Variants in CATSPER1 observed in about 807,000 individuals in gnomAD.
The protein encoded by CATSPER1 is cation channel sperm-associated protein 1.
CATSPER1 carries 57 observed loss-of-function variants against 72.7 expected under a neutral mutation model. The observed-to-expected ratio is 0.78, with a 90% CI of 0.63 to 0.98. CATSPER1 has a LOEUF of 0.98. CATSPER1 is among the 50% of genes least tolerant of loss of function. CATSPER1 has a pLI of 0.00. For synonymous variants in CATSPER1, 363 were observed against 403.0 expected (o/e 0.90, Z 1.19); for missense variants, 910 against 1,033.9 (o/e 0.88, Z 1.64).
intron 2 of CATSPER1, among the ~76,000 whole-genome samples, chr11:66,022,477 C>T (rs190495008): frequency 5.3e-5 from 8 of 152,284 alleles, no homozygotes; most frequent in African/African-American, 1.7e-4. Context: ...TGCTCCACGG[C>T]GTTGGAGGGC....
chr11:66,026,310 G>A lies in CATSPER1; in HGVS notation c.70C>T (p.Arg24Cys), dbSNP rs773490119. Residue 24 changes from arginine (R) to cysteine (C), a missense_variant, in exon 1 of 12, where the codon CGC becomes TGC. By Grantham distance (180) the Arg-to-Cys change is radical. Coordinates refer to ENST00000312106, the MANE Select transcript of CATSPER1 (RefSeq NM_053054.4). ...TGGTGTGGGGGTGATGAGTGAGAGC[G>A]AAAGAACCTATCTGCGTTATTGGTG... is the stretch of plus-strand genomic sequence containing the variant. ...ADTNNADRFFRSHSSPPHHRP... is the reference protein window; with the variant it reads ...ADTNNADRFFCSHSSPPHHRP... The A allele has an allele frequency of 4.5e-5, 73 of 1,614,066 alleles. No homozygotes were observed. The highest frequency in any genetic ancestry group is 1.6e-4 in the Middle Eastern group (1 of 6,084).
At chr11:66,025,046 G>C (rs1204334840) in intron 1 of CATSPER1, 118 bp downstream of exon 1, 4 of 1,207,656 alleles carry the variant, frequency 3.3e-6, no homozygotes, top group African/African-American at 3.0e-5. Flanking sequence ...GCCAGTGGGG[G>C]ACCTGTGCAG....
rs2134984949 is a variant in CATSPER1 at position 66,017,194 on chromosome 11, T to TGGGGGGGGGGGGGGGGGGGGGGGCCC, written c.2202-21_2202-20insGGGCCCCCCCCCCCCCCCCCCCCCCC. ...TGCTGCCTGCGGGTGGGCGGGGGGG[T>TGGGGGGGGGGGGGGGGGGGGGGGCCC]CGCAGAGACAGGGGCTGGGCTGACC... is the stretch of plus-strand genomic sequence containing the variant. On this transcript the variant is annotated intron_variant, in intron 10 of 11. Coordinates refer to ENST00000312106, the MANE Select transcript of CATSPER1 (RefSeq NM_053054.4). The TGGGGGGGGGGGGGGGGGGGGGGGCCC allele has an allele frequency of 5.5e-6, 3 of 550,208 alleles. No homozygotes were observed. Among genetic ancestry groups the TGGGGGGGGGGGGGGGGGGGGGGGCCC allele is most frequent in the Non-Finnish European group, 1.0e-5 (3 of 295,800 alleles). 34.1% of individuals were successfully genotyped at this position (550,208 alleles called of 1,614,324 possible). A position where few individuals can be genotyped will look rare whatever the true frequency, so the allele number is the denominator to read the frequency against.
At chr11:66,025,121 C>T in intron 1 of CATSPER1, 43 bp downstream of exon 1, 1 of 1,611,954 alleles carries the variant, frequency 6.2e-7, no homozygotes, top group Non-Finnish European at 8.5e-7. Context: ...GGATCCTGCG[C>T]CAGGCAGCAG....
At chr11:66,022,525 G>T (rs562311276) in intron 2 of CATSPER1, among the ~76,000 whole-genome samples, 1 of 152,338 alleles carries the variant, frequency 6.6e-6, no homozygotes, top group African/African-American at 2.4e-5. Flanking sequence ...CCCCTCCAGG[G>T]CCTTCTCGGG....
intron 10 of CATSPER1, 89 bp from the exon 11 acceptor site, chr11:66,017,263 T>C: frequency 2.2e-6 from 2 of 890,562 alleles, no homozygotes; most frequent in Non-Finnish European, 1.8e-6. Context: ...CAGAGGCTCT[T>C]CTTGCCTGCC....
At position 66,021,792 on chromosome 11, in the gene CATSPER1, T is replaced by TA; in HGVS notation, c.1516dup (p.Tyr506LeufsTer4). On this transcript the variant is annotated frameshift_variant, in exon 3 of 12. Transcript: ENST00000312106. LOFTEE classifies it high-confidence loss of function. Reference sequence around the variant, plus strand: ...CAAATTGTTCCAGAAGTCAAAGAAGTACGAGAGGCCCAGGGCGATGATCTT... The same window carrying TA: ...CAAATTGTTCCAGAAGTCAAAGAAGTAACGAGAGGCCCAGGGCGATGATCTT... The TA allele has an allele frequency of 6.2e-7, 1 of 1,613,950 alleles. No homozygotes were observed. The highest frequency in any genetic ancestry group is 8.5e-7 in the Non-Finnish European group (1 of 1,179,992).
rs1157187715 is a variant in CATSPER1 at position 66,025,814 on chromosome 11, T to C, written c.566A>G (p.Glu189Gly). ...GGAAGCCTCGCTGTGGTGGAAGGAC[T>C]CACTGTAGGGATTGGGTCCATGGGG... ...YLPHGPNPYS[E>G]SFHHSEASHL... The change falls in exon 1 of 12, where the codon GAG (glutamate) becomes GGG (glycine). Residue 189 changes from glutamate (E) to glycine (G), a missense_variant. Glu to Gly is a moderately conservative substitution (Grantham distance 98). Coordinates refer to ENST00000312106, the MANE Select transcript of CATSPER1 (RefSeq NM_053054.4). 6.2e-7 allele frequency: 1 copy of C among 1,613,140 alleles called. No homozygotes were observed. Among genetic ancestry groups the C allele is most frequent in the South Asian group, 1.1e-5 (1 of 91,030 alleles).
chr11:66,025,282 G>T lies in CATSPER1; in HGVS notation c.1098C>A (p.Ser366=). 1 of 1,614,206 alleles carries T rather than the reference G, an allele frequency of 6.2e-7. No individual in the cohort carries two copies. The highest frequency in any genetic ancestry group is 8.5e-7 in the Non-Finnish European group (1 of 1,180,030). The change falls in exon 1 of 12, where the codon TCC becomes TCA. Residue 366 remains serine, a synonymous_variant. Coordinates refer to ENST00000312106, the MANE Select transcript of CATSPER1 (RefSeq NM_053054.4). ...PRGSAHSMTR[S]SSTIRSRVTQ... is the part of the protein sequence containing the mutation. ...TGACACGTGAGCGGATTGTGCTGGA[G>T]GACCGAGTCATGCTGTGAGCCGAGC...
chr11:66,023,108 C>T (rs754097242), intron 1 of CATSPER1, 47 bp from the exon 2 acceptor site: 1 of 1,555,350 alleles, frequency 6.4e-7, no homozygotes, highest in South Asian at 1.1e-5. Context: ...AGAGGGGACA[C>T]GAGGTCCCAG....
chr11:66,016,904 C>T lies in CATSPER1; in HGVS notation c.2329G>A (p.Asp777Asn). 1 of 1,614,012 alleles carries T rather than the reference C, an allele frequency of 6.2e-7. No homozygotes were observed. Residue 777 changes from aspartate (D) to asparagine (N), a missense_variant, in exon 12 of 12, where the codon GAC (aspartate) becomes AAC (asparagine). Coordinates refer to ENST00000312106, the MANE Select transcript of CATSPER1 (RefSeq NM_053054.4). ...VDTTFEAGEE[D>N]FRN ...TCCTCCTGGGGTCAATTCCTGAAGT[C>T]CTCTTCTCCAGCCTGCAGGGGTGAG...
rs773876830 is a variant in CATSPER1 at position 66,020,883 on chromosome 11, T to C, written c.1855A>G (p.Thr619Ala). The C allele has an allele frequency of 6.2e-7, 1 of 1,613,818 alleles. No individual in the cohort carries two copies. ...AGCAAGGTGAAGAGGGTGAAGATGG[T>C]GGTGAAGATGTTCTGGAAGCGCTTG... The part of the protein sequence containing the change: ...DPKRFQNIFT[T>A]IFTLFTLLTL... The change falls in exon 6 of 12, where the codon ACC (threonine) becomes GCC (alanine). Residue 619 changes from threonine (T) to alanine (A), a missense_variant. Thr to Ala is a moderately conservative substitution (Grantham distance 58). Transcript: ENST00000312106. The surrounding 1 kb of genome is among the most constrained non-coding windows in gnomAD (Gnocchi z 4.5).
intron 10 of CATSPER1, among the ~76,000 whole-genome samples, chr11:66,018,134 G>A (rs947412564): frequency 4.0e-5 from 6 of 151,804 alleles, no homozygotes; most frequent in Middle Eastern, 3.4e-3. Flanking sequence ...CTTGAACCCA[G>A]GAGGCGGAGG....
chr11:66,023,176 G>T, intron 1 of CATSPER1, 115 bp from the exon 2 acceptor site: 1 of 1,034,022 alleles, frequency 9.7e-7, no homozygotes. Flanking sequence ...CTGGCCCTCT[G>T]CCTCCCGGGT....
chr11:66,022,717 G>A, intron 2 of CATSPER1, 132 bp downstream of exon 2: 1 of 829,798 alleles, frequency 1.2e-6, no homozygotes, highest in Non-Finnish European at 2.0e-6. Flanking sequence ...ACTGGGTAAG[G>A]CCATCTACTT....
At chr11:66,022,826 G>A (rs1240323251) in intron 2 of CATSPER1, 23 bp downstream of exon 2, 16 of 1,613,096 alleles carry the variant, frequency 9.9e-6, no homozygotes, top group Non-Finnish European at 1.4e-5. Flanking sequence ...TTCTCCATGG[G>A]AACAGGACTC....
chr11:66,019,785 C>T (rs536342447), intron 9 of CATSPER1, among the ~76,000 whole-genome samples: 223 of 151,884 alleles, frequency 1.5e-3, no homozygotes, highest in Non-Finnish European at 2.5e-3. Context: ...AGTGTGCTGG[C>T]GCATGCCTGC....
At chr11:66,016,990 T>C in intron 11 of CATSPER1, 70 bp downstream of exon 11, 1 of 1,612,934 alleles carries the variant, frequency 6.2e-7, no homozygotes, top group Non-Finnish European at 8.5e-7. Context: ...GGGAGTTACT[T>C]GGAGCCATTT....
chr11:66,017,182 T>TGG lies in CATSPER1; in HGVS notation c.2202-10_2202-9dup. 1.2e-5 allele frequency: 2 copies of TGG among 173,894 alleles called. No homozygotes were observed. Among genetic ancestry groups the TGG allele is most frequent in the South Asian group, 3.4e-5 (1 of 29,080 alleles). 10.8% of individuals were successfully genotyped at this position (173,894 alleles called of 1,614,324 possible). A position where few individuals can be genotyped will look rare whatever the true frequency, so the allele number is the denominator to read the frequency against. On this transcript the variant is annotated splice_polypyrimidine_tract_variant and intron_variant, in intron 10 of 11. Coordinates refer to ENST00000312106, the MANE Select transcript of CATSPER1 (RefSeq NM_053054.4). ...AACAGGAGCTCCTGCTGCCTGCGGG[T>TGG]GGGCGGGGGGGTCGCAGAGACAGGG...
Sources: allele counts gnomAD v4.1 joint callset (sites outside exome capture counted in the v4.1 genomes callset), GRCh38; gene constraint gnomAD v4.1.1; non-coding constraint Gnocchi (gnomAD v3.1); transcripts MANE v1.5; gene names NCBI Gene and HGNC (gene_info 2026-07-23, HGNC 2026-07-21).